TRIM24: variants seen among roughly 807,000 people sequenced by gnomAD.
TRIM24 encodes the protein tripartite motif containing 24, also known as transcription intermediary factor 1-alpha.
A neutral mutation model predicts 123.9 loss-of-function variants in TRIM24; 29 were observed. The ratio of observed to expected loss-of-function variants is 0.23; its 90% CI spans 0.17 to 0.32. The LOEUF is 0.32. Among genes scored for constraint, TRIM24 ranks in the 10% least tolerant of loss-of-function variants. TRIM24 has a pLI of 1.00. For missense variants in TRIM24, 932 were observed against 1,295.3 expected (o/e 0.72, Z 4.31); for synonymous variants, 456 against 461.1 (o/e 0.99, Z 0.14).
At chr7:138,463,045 T>TTTTG (rs1795044793) in intron 1 of TRIM24, among the ~76,000 whole-genome samples, 6 of 48,580 alleles carry the variant, frequency 1.2e-4, no homozygotes, top group African/African-American at 4.0e-4. Flanking sequence ...AATTTTGTGT[T>TTTTG]TTTTTTTTTT....
At chr7:138,466,001 G>GT (rs932018977) in intron 1 of TRIM24, among the ~76,000 whole-genome samples, 2 of 151,950 alleles carry the variant, frequency 1.3e-5, no homozygotes, top group African/African-American at 4.8e-5. Flanking sequence ...GTCTTTAAAA[G>GT]TTTTTTTTGT....
intron 13 of TRIM24, 89 bp from the exon 14 acceptor site, chr7:138,577,331 C>CAGTATTTTAGAAAG: frequency 9.7e-7 from 1 of 1,035,338 alleles, no homozygotes; most frequent in East Asian, 2.8e-5. Context: ...TGTGAAGATA[C>CAGTATTTTAGAAAG]AGTATTTTAG....
intron 1 of TRIM24, among the ~76,000 whole-genome samples, chr7:138,496,463 C>T (rs954232462): frequency 2.6e-5 from 4 of 152,066 alleles, no homozygotes; most frequent in Non-Finnish European, 5.9e-5. Context: ...AAAACAGTTC[C>T]GAACAGAAGT....
intron 6 of TRIM24, among the ~76,000 whole-genome samples, chr7:138,534,341 G>A (rs1333423629): frequency 1.3e-5 from 2 of 152,100 alleles, no homozygotes; most frequent in African/African-American, 2.4e-5. Flanking sequence ...GCTTTCTCTT[G>A]TGGGCATTTA....
chr7:138,575,459 A>ATTTTTTT (rs34375724), intron 12 of TRIM24, among the ~76,000 whole-genome samples: 2 of 127,232 alleles, frequency 1.6e-5, no homozygotes, highest in African/African-American at 3.0e-5. Context: ...GGCCTGGCTA[A>ATTTTTTT]TTTTTTTTTT....
intron 9 of TRIM24, among the ~76,000 whole-genome samples, chr7:138,561,578 C>T (rs980172718): frequency 6.6e-6 from 1 of 152,132 alleles, no homozygotes; most frequent in Non-Finnish European, 1.5e-5. Flanking sequence ...TGGTCAGCTT[C>T]CTGTGCTAAT....
At chr7:138,550,788 C>T (rs1453406125) in intron 7 of TRIM24, among the ~76,000 whole-genome samples, 2 of 152,074 alleles carry the variant, frequency 1.3e-5, no homozygotes, top group Admixed American at 1.3e-4. Flanking sequence ...TTTTATTTTA[C>T]AAATATTTGA....
At chr7:138,575,450 G>T (rs1409671053) in intron 12 of TRIM24, among the ~76,000 whole-genome samples, 1 of 149,870 alleles carries the variant, frequency 6.7e-6, no homozygotes, top group East Asian at 1.9e-4. Flanking sequence ...GTGCCACCAG[G>T]CCTGGCTAAT....
intron 14 of TRIM24, among the ~76,000 whole-genome samples, chr7:138,578,860 T>A (rs1176963189): frequency 6.6e-6 from 1 of 152,080 alleles, no homozygotes; most frequent in East Asian, 1.9e-4. Flanking sequence ...AACAGAAAGT[T>A]TAGATTCATC....
chr7:138,463,665 G>A (rs887068701), intron 1 of TRIM24, among the ~76,000 whole-genome samples: 4 of 152,148 alleles, frequency 2.6e-5, no homozygotes, highest in Non-Finnish European at 2.9e-5. Context: ...AACATGGGTC[G>A]TAAAGTTATC....
rs1798068981 is a variant in TRIM24, at chr7:138,589,418, G to C, written c.*4467G>C. 6.6e-6 allele frequency: 1 copy of C among 152,142 alleles called. No individual in the cohort carries two copies. Among genetic ancestry groups the C allele is most frequent in the African/African-American group, 2.4e-5 (1 of 41,434 alleles). The allele number at this position is 152,142 out of a possible 1,614,324, so 9.4% of individuals were successfully genotyped here. ...AGGATTTTTTAATAGAAAAATTACT[G>C]AATGTTACTTCAGCAGAGTTCTATC... On this transcript the variant is annotated 3_prime_UTR_variant, in exon 19 of 19. Transcript: ENST00000343526.
chr7:138,532,283 C>A (rs538438155), intron 6 of TRIM24, among the ~76,000 whole-genome samples: 49 of 152,150 alleles, frequency 3.2e-4, no homozygotes, highest in Admixed American at 1.0e-3. Flanking sequence ...GACATGAAGT[C>A]CTTGCCCATG....
At chr7:138,571,087 T>C (rs1797646039) in intron 11 of TRIM24, 84 bp downstream of exon 11, 1 of 1,404,472 alleles carries the variant, frequency 7.1e-7, no homozygotes, top group African/African-American at 1.4e-5. Flanking sequence ...CCCAGCACTT[T>C]GGGAGGCTGA....
intron 6 of TRIM24, among the ~76,000 whole-genome samples, chr7:138,531,265 T>C (rs868088174): frequency 6.7e-6 from 1 of 148,506 alleles, no homozygotes; most frequent in African/African-American, 2.6e-5. Context: ...ATGTTACATA[T>C]GTTTACATGT....
intron 1 of TRIM24, among the ~76,000 whole-genome samples, chr7:138,479,250 T>C (rs1795471936): frequency 6.6e-6 from 1 of 152,202 alleles, no homozygotes; most frequent in African/African-American, 2.4e-5. Context: ...TGAATAATTA[T>C]ATAACCACCA....
At chr7:138,479,204 G>A (rs1031711457) in intron 1 of TRIM24, among the ~76,000 whole-genome samples, 4 of 152,100 alleles carry the variant, frequency 2.6e-5, no homozygotes, top group African/African-American at 9.7e-5. Flanking sequence ...TTTTCAAAAA[G>A]TGTGAGGGAA....
Position 138,508,718 on chromosome 7 carries a change from T to C in TRIM24, c.483+4310T>C, listed in dbSNP as rs546438636. ...GCGCGCGCGTGTGTGCGTGTGTGTG[T>C]GCGTGTGTGTGTGTGTGTGTGTGTG... On this transcript the variant is annotated intron_variant, in intron 2 of 18. Transcript: ENST00000343526. Among the ~76,000 whole-genome samples the C allele has an allele frequency of 1.3e-3, 173 of 133,932 alleles. 1 individual carries two copies. Among genetic ancestry groups the C allele is most frequent in the Middle Eastern group, 3.8e-3 (1 of 260 alleles). The allele number at this position is 133,932 out of a possible 152,430, so 87.9% of individuals were successfully genotyped here.
At chr7:138,464,177 T>A (rs1034044967) in intron 1 of TRIM24, among the ~76,000 whole-genome samples, 4 of 151,520 alleles carry the variant, frequency 2.6e-5, no homozygotes, top group Non-Finnish European at 4.4e-5. Flanking sequence ...TTATATTTTT[T>A]AGTAGAGACG....
chr7:138,534,320 A>G (rs1226311900), intron 6 of TRIM24, among the ~76,000 whole-genome samples: 3 of 152,112 alleles, frequency 2.0e-5, no homozygotes, highest in African/African-American at 7.2e-5. Flanking sequence ...TGTCAATTTT[A>G]GATCTTTCCT....
Sources: allele counts gnomAD v4.1 joint callset (sites outside exome capture counted in the v4.1 genomes callset), GRCh38; gene constraint gnomAD v4.1.1; transcripts MANE v1.5; gene names NCBI Gene and HGNC (gene_info 2026-07-23, HGNC 2026-07-21).